The following HYCC1 variants were observed in gnomAD, a reference collection of about 807,000 sequenced individuals.
HYCC1 encodes hyccin PI4KA lipid kinase complex subunit 1, also known as hyccin.
chr7:22,937,574 A>C, the HYCC1 span: 2 of 152,202 alleles, frequency 1.3e-5, no homozygotes, highest in Non-Finnish European at 2.9e-5. Flanking sequence ...CTCCATGAAG[A>C]ATATTAGAGA....
chr7:22,940,649 A>G, the HYCC1 span: 1 of 152,148 alleles, frequency 6.6e-6, no homozygotes, highest in African/African-American at 2.4e-5. Flanking sequence ...TTGTACTGTT[A>G]AAGAAAACAC....
chr7:22,940,813 C>T, the HYCC1 span: 16 of 148,606 alleles, frequency 1.1e-4, no homozygotes, highest in Admixed American at 9.4e-4. Flanking sequence ...CTTTCTTCTT[C>T]TTTTGCTTTT....
the HYCC1 span, among the ~76,000 whole-genome samples, chr7:23,002,247 T>C: frequency 1.3e-5 from 2 of 149,516 alleles, no homozygotes; most frequent in Non-Finnish European, 3.0e-5. Context: ...GTATGACTAG[T>C]TGATGATCAA....
chr7:22,915,090 G>A, the HYCC1 span, among the ~76,000 whole-genome samples: 4 of 152,138 alleles, frequency 2.6e-5, no homozygotes, highest in African/African-American at 4.8e-5. Flanking sequence ...ACCCTTAGAC[G>A]CTTTACCACC....
At chr7:22,985,109 TTCAG>T in the HYCC1 span, among the ~76,000 whole-genome samples, 5 of 149,220 alleles carry the variant, frequency 3.4e-5, no homozygotes, top group African/African-American at 1.3e-4. Context: ...AATTACTTCC[TTCAG>T]TCAGTCATTG....
At chr7:22,987,006 A>C in the HYCC1 span, among the ~76,000 whole-genome samples, 1 of 152,234 alleles carries the variant, frequency 6.6e-6, no homozygotes, top group East Asian at 1.9e-4. Context: ...TAATTAAAAC[A>C]ATCCTATTCA....
chr7:22,931,416 C>A, the HYCC1 span, among the ~76,000 whole-genome samples: 4 of 152,072 alleles, frequency 2.6e-5, no homozygotes, highest in Admixed American at 2.0e-4. Flanking sequence ...TAATTTGTTA[C>A]AGTACCCATA....
the HYCC1 span, among the ~76,000 whole-genome samples, chr7:22,910,823 T>C: frequency 6.6e-6 from 1 of 152,116 alleles, no homozygotes; most frequent in Non-Finnish European, 1.5e-5. Flanking sequence ...AGTGAGTTAC[T>C]GTAAGAAAGT....
chr7:22,921,936 T>C, the HYCC1 span, among the ~76,000 whole-genome samples: 6 of 151,958 alleles, frequency 3.9e-5, no homozygotes, highest in Non-Finnish European at 5.9e-5. Context: ...TTAATATGTA[T>C]AGGAAAGCTC....
chr7:22,904,774 T>A, the HYCC1 span, among the ~76,000 whole-genome samples: 6 of 150,916 alleles, frequency 4.0e-5, no homozygotes, highest in Non-Finnish European at 8.8e-5. Flanking sequence ...TGAAACCCTG[T>A]CTCTACTAAA....
the HYCC1 span, among the ~76,000 whole-genome samples, chr7:22,901,136 G>A: frequency 1.0e-3 from 147 of 142,202 alleles, no homozygotes; most frequent in African/African-American, 3.7e-3. Flanking sequence ...TGGGAGGATC[G>A]CTTGAGCCCA....
At chr7:22,993,101 T>C in the HYCC1 span, among the ~76,000 whole-genome samples, 6 of 152,098 alleles carry the variant, frequency 3.9e-5, no homozygotes, top group Non-Finnish European at 5.9e-5. Flanking sequence ...GGTCACCTGA[T>C]TTATGACAAA....
chr7:22,902,776 A>C, the HYCC1 span, among the ~76,000 whole-genome samples: 11 of 152,170 alleles, frequency 7.2e-5, no homozygotes, highest in Non-Finnish European at 8.8e-5. Context: ...GGCAAACTGT[A>C]TAATAGACTA....
chr7:22,913,441 G>C, the HYCC1 span, among the ~76,000 whole-genome samples: 2 of 152,178 alleles, frequency 1.3e-5, no homozygotes, highest in African/African-American at 4.8e-5. Context: ...GCCCTCCTAG[G>C]AGTCATACCC....
the HYCC1 span, among the ~76,000 whole-genome samples, chr7:22,910,874 C>A: frequency 2.5e-3 from 376 of 148,402 alleles, 2 homozygotes; most frequent in African/African-American, 9.0e-3. Context: ...TATGTTCACT[C>A]AAAAAAAAAA....
the HYCC1 span, chr7:22,976,209 C>A: frequency 6.3e-7 from 1 of 1,591,730 alleles, no homozygotes; most frequent in Non-Finnish European, 8.6e-7. Flanking sequence ...TTTTACTTTA[C>A]CTTGAACAAA....
At chr7:22,912,149 A>G in the HYCC1 span, among the ~76,000 whole-genome samples, 1 of 152,252 alleles carries the variant, frequency 6.6e-6, no homozygotes, top group South Asian at 2.1e-4. Flanking sequence ...CAACTATTTA[A>G]AGTCTCTGGA....
At chr7:22,947,677 T>C in the HYCC1 span, among the ~76,000 whole-genome samples, 35 of 152,218 alleles carry the variant, frequency 2.3e-4, no homozygotes, top group Non-Finnish European at 4.4e-4. Flanking sequence ...AGCCAAACCT[T>C]TAGCTTTTGT....
At chr7:22,961,226 G>A in the HYCC1 span, 1 of 1,558,656 alleles carries the variant, frequency 6.4e-7, no homozygotes, top group African/African-American at 1.4e-5. Flanking sequence ...AAATAAGTCA[G>A]GCACCTACCA....
Sources: allele counts gnomAD v4.1 joint callset (sites outside exome capture counted in the v4.1 genomes callset), GRCh38; gene constraint gnomAD v4.1.1; transcripts MANE v1.5; gene names NCBI Gene and HGNC (gene_info 2026-07-23, HGNC 2026-07-21).